Variants in DIS3L2 observed in about 807,000 individuals in gnomAD.
DIS3L2 encodes the protein DIS3-like exonuclease 2.
DIS3L2 carries 34 observed loss-of-function variants against 97.5 expected under a neutral mutation model. The observed-to-expected ratio is 0.35, with a 90% CI of 0.27 to 0.46. The LOEUF (loss-of-function observed/expected upper bound fraction) is 0.46, where lower values mean the gene tolerates loss of function less well. Among genes scored for constraint, DIS3L2 ranks in the 20% least tolerant of loss-of-function variants. The probability of loss-of-function intolerance (pLI) is 1.00; values close to 1 mark genes in which losing one functional copy is unlikely to be tolerated. For synonymous variants in DIS3L2, 435 were observed against 445.2 expected (o/e 0.98, Z 0.29); for missense variants, 1,038 against 1,146.0 (o/e 0.91, Z 1.36).
At chr2:232,096,153 C>T (rs1697003501) in intron 6 of DIS3L2, among the ~76,000 whole-genome samples, 1 of 149,440 alleles carries the variant, frequency 6.7e-6, no homozygotes, top group African/African-American at 2.5e-5. Context: ...GTGGCGTGAT[C>T]TCGGCTCACT....
At position 232,213,542 on chromosome 2, in the gene DIS3L2, G is replaced by A. The variant is rs140237969; in HGVS notation, c.1204+3137G>A. On this transcript the variant is annotated intron_variant, in intron 10 of 20. Transcript: ENST00000325385. ...TCAATTCCAGTTTGGATTGGGGTGA[G>A]GTTGGCTAAGTTCAGGTTGAGGTAG... Among the ~76,000 whole-genome samples, 454 of 152,128 alleles carry A rather than the reference G, an allele frequency of 3.0e-3. 2 individuals are homozygous for A. Among genetic ancestry groups the A allele is most frequent in the Middle Eastern group, 0.024 (7 of 294 alleles).
chr2:232,219,361 G>C (rs1217613624), intron 10 of DIS3L2, among the ~76,000 whole-genome samples: 2 of 152,152 alleles, frequency 1.3e-5, no homozygotes, highest in African/African-American at 2.4e-5. Context: ...GGTCTAGTCA[G>C]ATCTAGCCAG....
At chr2:232,026,099 C>T (rs909703719) in intron 4 of DIS3L2, among the ~76,000 whole-genome samples, 2 of 152,120 alleles carry the variant, frequency 1.3e-5, no homozygotes, top group African/African-American at 4.8e-5. Flanking sequence ...TCCCTGATAA[C>T]ACAGTATAGA....
chr2:232,015,869 C>G, intron 3 of DIS3L2, 198 bp downstream of exon 3: 1 of 476,746 alleles, frequency 2.1e-6, no homozygotes, highest in South Asian at 4.7e-5. Flanking sequence ...GTAATAAGCA[C>G]CACAAGACAG....
At chr2:232,321,352 T>C (rs1250853767) in intron 14 of DIS3L2, among the ~76,000 whole-genome samples, 5 of 152,230 alleles carry the variant, frequency 3.3e-5, no homozygotes, top group African/African-American at 1.2e-4. Flanking sequence ...CCTGGATGCA[T>C]TGCCCAGCTC....
chr2:232,271,859 GA>G (rs1694015390), intron 13 of DIS3L2, among the ~76,000 whole-genome samples: 1 of 152,184 alleles, frequency 6.6e-6, no homozygotes, highest in Non-Finnish European at 1.5e-5. Context: ...GGAAGAGACA[GA>G]GATTGATTTA....
intron 1 of DIS3L2, among the ~76,000 whole-genome samples, chr2:231,985,838 G>C (rs1005682374): frequency 6.6e-6 from 1 of 152,164 alleles, no homozygotes; most frequent in African/African-American, 2.4e-5. Context: ...TAGATAGCTG[G>C]TAAAGTATTG....
At chr2:232,220,010 A>G (rs1692447231) in intron 10 of DIS3L2, among the ~76,000 whole-genome samples, 1 of 152,038 alleles carries the variant, frequency 6.6e-6, no homozygotes, top group South Asian at 2.1e-4. Context: ...AGTGGCTTAC[A>G]CCTATAATCC....
At chr2:232,016,936 C>CCCTCCCTT (rs1004773029) in intron 3 of DIS3L2, among the ~76,000 whole-genome samples, 1 of 144,604 alleles carries the variant, frequency 6.9e-6, no homozygotes, top group African/African-American at 2.6e-5. Context: ...CTCCCTCCCT[C>CCCTCCCTT]CCTCCCTTCC....
At chr2:232,108,217 A>G (rs148228665) in intron 6 of DIS3L2, among the ~76,000 whole-genome samples, 1 of 152,366 alleles carries the variant, frequency 6.6e-6, no homozygotes, top group Non-Finnish European at 1.5e-5. Context: ...GGCTGGTTCA[A>G]CATACGCAAA....
At chr2:232,322,870 G>C (rs889303076) in intron 14 of DIS3L2, among the ~76,000 whole-genome samples, 4 of 152,148 alleles carry the variant, frequency 2.6e-5, no homozygotes, top group Non-Finnish European at 4.4e-5. Flanking sequence ...GCCTTCTTAA[G>C]TCTGCGATGG....
At position 232,281,804 on chromosome 2, in the gene DIS3L2, T is replaced by G. The variant is rs562796198; in HGVS notation, c.1660-18236T>G. On this transcript the variant is annotated intron_variant, in intron 13 of 20. Coordinates refer to ENST00000325385, the MANE Select transcript of DIS3L2 (RefSeq NM_152383.5). This position sits in a 1 kb window ranked among gnomAD's most constrained non-coding sequence, Gnocchi z 4.1. ...CGTGAGCTGCCCACTTAAAGACGCTTGCCAGGTGGCTGGACCGGAAGTCTG... is the reference window on the plus strand; with the variant it reads ...CGTGAGCTGCCCACTTAAAGACGCTGGCCAGGTGGCTGGACCGGAAGTCTG... 2.6e-5 allele frequency among the ~76,000 whole-genome samples: 4 copies of G among 152,154 alleles called. No homozygotes were observed. Among genetic ancestry groups the G allele is most frequent in the Non-Finnish European group, 5.9e-5 (4 of 68,028 alleles).
At chr2:232,053,952 AC>A (rs1695476483) in intron 5 of DIS3L2, among the ~76,000 whole-genome samples, 1 of 152,102 alleles carries the variant, frequency 6.6e-6, no homozygotes, top group Non-Finnish European at 1.5e-5. Flanking sequence ...GAAAGTTCCA[AC>A]CCTCTAATCA....
At chr2:232,039,128 A>G (rs1695037660) in intron 5 of DIS3L2, among the ~76,000 whole-genome samples, 4 of 152,150 alleles carry the variant, frequency 2.6e-5, no homozygotes, top group Admixed American at 2.6e-4. Context: ...CAGCCCCATT[A>G]GGTACATCTC....
rs111354617 is a variant in DIS3L2 at position 232,079,262 on chromosome 2, G to A, written c.367-8225G>A. On this transcript the variant is annotated intron_variant, in intron 5 of 20. Coordinates refer to ENST00000325385, the MANE Select transcript of DIS3L2 (RefSeq NM_152383.5). ...GTTGGGGAAACAGAAAGTAAATAAG[G>A]AGATATATACTTTCAGATAGTGGTA... Among the ~76,000 whole-genome samples, 18 of 152,232 alleles carry A rather than the reference G, an allele frequency of 1.2e-4. 2 individuals carry two copies. Among genetic ancestry groups the A allele is most frequent in the African/African-American group, 4.3e-4 (18 of 41,548 alleles).
chr2:232,154,519 G>A (rs1690422108), intron 8 of DIS3L2, among the ~76,000 whole-genome samples: 1 of 32,712 alleles, frequency 3.1e-5, no homozygotes, highest in Admixed American at 3.4e-4. Context: ...CTGCTCGGGG[G>A]TCAGGGGTCA....
rs549313703 is a variant in DIS3L2 at position 232,269,162 on chromosome 2, G to A, written c.1659+5722G>A. Among the ~76,000 whole-genome samples the A allele has an allele frequency of 1.3e-5, 2 of 152,300 alleles. No individual in the cohort carries two copies. The highest frequency in any genetic ancestry group is 2.1e-4 in the South Asian group (1 of 4,826). ...AGGTGGGGACTGCTCATGGCAAAAT[G>A]TAGCGCTAAGGAAACTGTGTAGCAT... On this transcript the variant is annotated intron_variant, in intron 13 of 20. Transcript: ENST00000325385. This position sits in a 1 kb window ranked among gnomAD's most constrained non-coding sequence, Gnocchi z 4.5.
chr2:232,166,495 G>C (rs1168643922), intron 9 of DIS3L2, among the ~76,000 whole-genome samples: 3 of 152,192 alleles, frequency 2.0e-5, no homozygotes, highest in African/African-American at 7.2e-5. Context: ...GAAGGCGGAG[G>C]CTGGCAGATC....
intron 7 of DIS3L2, among the ~76,000 whole-genome samples, chr2:232,133,947 C>A: frequency 7.9e-6 from 1 of 127,016 alleles, no homozygotes; most frequent in Non-Finnish European, 1.6e-5. Context: ...GAAATCGTGC[C>A]ACCGTATTCT....
Sources: gnomAD v4.1 joint callset for allele counts (sites outside exome capture counted in the v4.1 genomes callset) on GRCh38, gnomAD v4.1.1 for gene constraint, Gnocchi (gnomAD v3.1) non-coding constraint, MANE v1.5 for transcripts, NCBI Gene and HGNC (gene_info 2026-07-23, HGNC 2026-07-21) for gene names.